Variants in VPS54 observed in about 807,000 individuals in gnomAD.
VPS54 encodes the protein VPS54 subunit of GARP complex.
In VPS54, 45 loss-of-function variants were observed where a neutral mutation model predicts 121.5. The ratio of observed to expected loss-of-function variants is 0.37; its 90% CI spans 0.29 to 0.47. The LOEUF is 0.47. Ranked by LOEUF, VPS54 falls within the 20% of genes least tolerant of loss-of-function variation. The pLI is 0.99. For missense variants in VPS54, 1,090 were observed against 1,131.4 expected, an observed-to-expected ratio of 0.96 and a Z score of 0.52; for synonymous variants, 371 against 385.8, an observed-to-expected ratio of 0.96 and a Z score of 0.45.
At chr2:63,950,599 A>G (rs1675194469) in intron 7 of VPS54, among the ~76,000 whole-genome samples, 1 of 152,198 alleles carries the variant, frequency 6.6e-6, no homozygotes, top group South Asian at 2.1e-4. Flanking sequence ...TATAAGCAGA[A>G]GACTGGCAGC....
chr2:63,901,669 G>C (rs1480898868), intron 20 of VPS54, among the ~76,000 whole-genome samples: 2 of 152,062 alleles, frequency 1.3e-5, no homozygotes, highest in South Asian at 2.1e-4. Context: ...TCACTGAGAA[G>C]GGGCACCAAA....
At chr2:63,897,130 C>A (rs531940995) in intron 22 of VPS54, among the ~76,000 whole-genome samples, 37 of 152,258 alleles carry the variant, frequency 2.4e-4, no homozygotes, top group African/African-American at 6.7e-4. Flanking sequence ...AGACAGATTT[C>A]ATCCTTGTTA....
chr2:63,962,766 G>C (rs929826499), intron 6 of VPS54, among the ~76,000 whole-genome samples: 1 of 152,082 alleles, frequency 6.6e-6, no homozygotes, highest in Non-Finnish European at 1.5e-5. Flanking sequence ...AGTTTCAGAT[G>C]TTCTAAGATC....
At chr2:63,904,428 G>A (rs1302433480) in intron 20 of VPS54, among the ~76,000 whole-genome samples, 1 of 81,060 alleles carries the variant, frequency 1.2e-5, no homozygotes, top group South Asian at 4.6e-4. Flanking sequence ...AACAGAGCAA[G>A]ACTTGGTCTC....
chr2:63,903,072 AAG>A (rs1218863962), intron 20 of VPS54, among the ~76,000 whole-genome samples: 2 of 152,276 alleles, frequency 1.3e-5, no homozygotes, highest in East Asian at 3.9e-4. Context: ...CCGAAATCTC[AAG>A]AGAGAAATTG....
intron 20 of VPS54, among the ~76,000 whole-genome samples, chr2:63,905,529 C>T (rs1411188516): frequency 4.0e-5 from 6 of 151,088 alleles, no homozygotes; most frequent in Admixed American, 3.3e-4. Context: ...TTTTAATGAA[C>T]TTATTAAAAA....
chr2:64,012,643 T>C (rs149410600), intron 1 of VPS54, among the ~76,000 whole-genome samples: 2,607 of 151,520 alleles, frequency 0.017, 39 homozygotes, highest in Middle Eastern at 0.055. Flanking sequence ...GGGACCTTTT[T>C]CTATTAGTTA....
intron 7 of VPS54, among the ~76,000 whole-genome samples, chr2:63,958,848 A>C (rs571289114): frequency 1.1e-4 from 17 of 152,368 alleles, no homozygotes; most frequent in African/African-American, 3.8e-4. Flanking sequence ...TGTCCTACTG[A>C]AAGATTTCTT....
At chr2:64,003,890 CCA>C (rs1327539264) in intron 1 of VPS54, among the ~76,000 whole-genome samples, 1 of 152,148 alleles carries the variant, frequency 6.6e-6, no homozygotes, top group Non-Finnish European at 1.5e-5. Context: ...CACGTGGTGC[CCA>C]GACTTCTGTT....
chr2:63,946,227 A>T (rs1373682373), intron 9 of VPS54, among the ~76,000 whole-genome samples: 5 of 151,980 alleles, frequency 3.3e-5, no homozygotes, highest in Non-Finnish European at 7.4e-5. Flanking sequence ...ATTCATTCTC[A>T]TTAATGTATA....
In VPS54 at chr2:63,892,179, A is replaced by ATAGTT. The variant is rs1322245923; in HGVS notation, c.*1246_*1250dup. ...TTTTTTACAGCTTTATTTTAGACAG[A>ATAGTT]TAGTTTAAGAACCAAAGACATACCT... On this transcript the variant is annotated 3_prime_UTR_variant, in exon 23 of 23. Coordinates refer to ENST00000272322, the MANE Select transcript of VPS54 (RefSeq NM_016516.3). 2 of 152,174 alleles carry ATAGTT rather than the reference A, an allele frequency of 1.3e-5. No homozygotes were observed. The highest frequency in any genetic ancestry group is 2.9e-5 in the Non-Finnish European group (2 of 68,034). 9.4% of individuals were successfully genotyped at this position (152,174 alleles called of 1,614,324 possible).
At chr2:63,979,062 A>G (rs2104607099) in intron 3 of VPS54, among the ~76,000 whole-genome samples, 1 of 152,264 alleles carries the variant, frequency 6.6e-6, no homozygotes, top group South Asian at 2.1e-4. Context: ...TAGAATCTGT[A>G]GTGATATCAC....
In VPS54 at chr2:63,971,587, G is replaced by A. The variant is rs1676286072; in HGVS notation, c.457+579C>T. Among the ~76,000 whole-genome samples the A allele has an allele frequency of 2.0e-5, 3 of 152,062 alleles. No homozygotes were observed. The South Asian group carries it at 6.2e-4, about 32-fold the overall frequency. On this transcript the variant is annotated intron_variant, in intron 4 of 22. Coordinates refer to ENST00000272322, the MANE Select transcript of VPS54 (RefSeq NM_016516.3). Reference sequence around the variant, plus strand: ...TTGGAATGTCTTCTCCCACATAAATGTTTCAAACTAACGACTTTAAAACAC... The same window carrying A: ...TTGGAATGTCTTCTCCCACATAAATATTTCAAACTAACGACTTTAAAACAC...
At chr2:63,991,083 C>A (rs1677295479) in intron 1 of VPS54, among the ~76,000 whole-genome samples, 1 of 152,130 alleles carries the variant, frequency 6.6e-6, no homozygotes, top group African/African-American at 2.4e-5. Flanking sequence ...TCACAGGCTC[C>A]GATAGTTTCT....
chr2:63,983,060 C>A (rs1676870765), intron 2 of VPS54, among the ~76,000 whole-genome samples: 1 of 152,050 alleles, frequency 6.6e-6, no homozygotes, highest in South Asian at 2.1e-4. Flanking sequence ...AGCTTTCAAT[C>A]TGTACCTTCA....
Position 63,921,382 on chromosome 2 carries a change from G to A in VPS54, c.1740-47C>T, listed in dbSNP as rs1321197995. 1.9e-6 allele frequency: 3 copies of A among 1,599,496 alleles called. No individual in the cohort carries two copies. In the African/African-American group the frequency reaches 4.0e-5, roughly 21 times the overall value. ...TTAGTCAGGGAAAGTTGTAAACATA[G>A]TATTCTCCACAGGTGACCTATCAAT... On this transcript the variant is annotated intron_variant, in intron 12 of 22. Coordinates refer to ENST00000272322, the MANE Select transcript of VPS54 (RefSeq NM_016516.3).
At chr2:63,898,389 C>G (rs1371457736) in intron 21 of VPS54, among the ~76,000 whole-genome samples, 1 of 152,076 alleles carries the variant, frequency 6.6e-6, no homozygotes, top group African/African-American at 2.4e-5. Context: ...CTAGTGGGTA[C>G]GTCGTATTTT....
chr2:63,962,457 G>GA lies in VPS54; in HGVS notation c.625-15dup, dbSNP rs775467977. 8.3e-6 allele frequency: 13 copies of GA among 1,575,724 alleles called. No individual in the cohort carries two copies. The highest frequency in any genetic ancestry group is 2.8e-5 in the African/African-American group (2 of 72,668). ...ATAATGGCTCAGCTTAAAAGAGAAG[G>GA]AAAAAAAATATGAAGTACTATGAGC... On this transcript the variant is annotated splice_polypyrimidine_tract_variant and intron_variant, in intron 6 of 22. Transcript: ENST00000272322.
chr2:64,017,042 AAAG>A (rs1678732050), intron 1 of VPS54, among the ~76,000 whole-genome samples: 2 of 148,738 alleles, frequency 1.3e-5, no homozygotes, highest in African/African-American at 2.5e-5. Flanking sequence ...AAAAAAAAAA[AAAG>A]AGTGTGATGG....
Sources: gnomAD v4.1 joint callset for allele counts (sites outside exome capture counted in the v4.1 genomes callset) on GRCh38, gnomAD v4.1.1 for gene constraint, MANE v1.5 for transcripts, NCBI Gene and HGNC (gene_info 2026-07-23, HGNC 2026-07-21) for gene names.